GTF3C2: variants seen among roughly 807,000 people sequenced by gnomAD.
The protein encoded by GTF3C2 is general transcription factor IIIC subunit 2, also known as general transcription factor 3C polypeptide 2.
Under a neutral mutation model 117.4 loss-of-function variants are expected in GTF3C2, and 17 were observed. The observed-to-expected ratio is 0.14, with a 90% CI of 0.10 to 0.22. GTF3C2 has a LOEUF of 0.22. Among genes scored for constraint, GTF3C2 ranks in the 10% least tolerant of loss-of-function variants. The pLI, the probability that GTF3C2 is intolerant of heterozygous loss-of-function variation, is 1.00. For synonymous variants in GTF3C2, 437 were observed against 427.0 expected (o/e 1.02, Z -0.29); for missense variants, 888 against 1,143.6 (o/e 0.78, Z 3.22).
chr2:27,349,398 C>T (rs10203610), intron 1 of GTF3C2, among the ~76,000 whole-genome samples: 3,158 of 140,312 alleles, frequency 0.023, 104 homozygotes, highest in African/African-American at 0.078. Flanking sequence ...CCGCCCGCCG[C>T]GGCCTCCCAA....
At chr2:27,326,590 G>T in exon 19 of GTF3C2, 2 of 987,884 alleles carry the variant, frequency 2.0e-6, no homozygotes, top group Non-Finnish European at 3.2e-6. Flanking sequence ...ACTGTCCAGG[G>T]AAGGCCCCCA....
chr2:27,339,101 C>T (rs2148292543), intron 4 of GTF3C2, among the ~76,000 whole-genome samples: 1 of 152,156 alleles, frequency 6.6e-6, no homozygotes, highest in Middle Eastern at 3.4e-3. Flanking sequence ...TGGAAAAAAA[C>T]AGTAATCAGT....
intron 12 of GTF3C2, among the ~76,000 whole-genome samples, chr2:27,332,090 T>C (rs1012935518): frequency 2.0e-5 from 3 of 152,232 alleles, no homozygotes; most frequent in African/African-American, 7.2e-5. Flanking sequence ...TATTTCAGTG[T>C]GACTTTAGTG....
intron 1 of GTF3C2, chr2:27,356,021 A>T (rs754418279): frequency 1.7e-5 from 18 of 1,029,248 alleles, no homozygotes; most frequent in Non-Finnish European, 2.4e-5. Context: ...AGATTGCAAA[A>T]ATAGTGATGG....
intron 12 of GTF3C2, 116 bp downstream of exon 12, chr2:27,333,539 T>C: frequency 1.5e-6 from 1 of 648,900 alleles, no homozygotes; most frequent in Admixed American, 3.0e-5. Flanking sequence ...TTACATTGCT[T>C]GAATATTTCT....
At chr2:27,328,422 T>C (rs535748521) in intron 16 of GTF3C2, 46 bp downstream of exon 16, 12 of 1,604,534 alleles carry the variant, frequency 7.5e-6, no homozygotes, top group South Asian at 2.2e-5. Context: ...TGGGAGGGCA[T>C]GTGGGTTAGG....
At chr2:27,342,465 C>T in intron 3 of GTF3C2, 1 of 559,774 alleles carries the variant, frequency 1.8e-6, no homozygotes, top group Non-Finnish European at 3.2e-6. Flanking sequence ...GGTCTTCTCA[C>T]TCCAAGTTCA....
chr2:27,343,679 C>T, intron 1 of GTF3C2, 101 bp from the exon 2 acceptor site: 1 of 929,442 alleles, frequency 1.1e-6, no homozygotes, highest in East Asian at 2.5e-5. Context: ...ACACTCATAA[C>T]CAAGTTCCCT....
intron 1 of GTF3C2, among the ~76,000 whole-genome samples, chr2:27,345,645 A>G (rs1572579777): frequency 6.6e-6 from 1 of 151,448 alleles, no homozygotes; most frequent in Admixed American, 6.6e-5. Context: ...TCAATATTTC[A>G]CCTGGATGGG....
chr2:27,355,612 A>G (rs1681341126), intron 1 of GTF3C2, among the ~76,000 whole-genome samples: 1 of 152,186 alleles, frequency 6.6e-6, no homozygotes, highest in African/African-American at 2.4e-5. Context: ...GATGATCAGT[A>G]AATTCGTACT....
rs1333917749 is a variant in GTF3C2 at position 27,346,000 on chromosome 2, C to A, written c.-24-2422G>T. 2.1e-4 allele frequency among the ~76,000 whole-genome samples: 32 copies of A among 148,980 alleles called. No homozygotes were observed. The East Asian group carries it at 5.9e-3, about 28-fold the overall frequency. On this transcript the variant is annotated intron_variant, in intron 1 of 18. Coordinates refer to ENST00000264720, the Ensembl canonical transcript of GTF3C2. ...AAAGTGCTAGGATTACAGACTTGAG[C>A]CACTGTGCCCCGCCACTTTTTTTTT...
chr2:27,333,392 A>T (rs141094632), intron 12 of GTF3C2, among the ~76,000 whole-genome samples: 3,567 of 151,044 alleles, frequency 0.024, 132 homozygotes, highest in African/African-American at 0.083. Flanking sequence ...TGACCTCAAG[A>T]GATCTGCCTG....
rs780974234 is a variant in GTF3C2 at position 27,329,226 on chromosome 2, C to T, written c.1934G>A (p.Arg645His). ...GATAGAGTTTATGGGTTCGTAAGGA[C>T]GTCGAAGGTCCCAGAATTTGATTTT... The change falls in exon 14 of 19, where the codon CGT becomes CAT. Residue 645 changes from arginine (R) to histidine (H), a missense_variant. This residue lies in a region of GTF3C2 where 277 missense variants were observed against 445.4 expected (regional missense o/e 0.62). Transcript: ENST00000264720. The surrounding 1 kb of genome is among the most constrained non-coding windows in gnomAD (Gnocchi z 4.5). 5.0e-6 allele frequency: 8 copies of T among 1,613,976 alleles called. No individual in the cohort carries two copies. Among genetic ancestry groups the T allele is most frequent in the African/African-American group, 1.3e-5 (1 of 74,916 alleles).
At chr2:27,334,027 T>C in intron 10 of GTF3C2, 28 bp from the exon 11 acceptor site, 2 of 1,589,886 alleles carry the variant, frequency 1.3e-6, no homozygotes, top group Non-Finnish European at 1.7e-6. Context: ...AGGAACTAAC[T>C]CTATGGATCC....
chr2:27,334,506 C>G (rs1005937190), intron 10 of GTF3C2, among the ~76,000 whole-genome samples: 1 of 152,072 alleles, frequency 6.6e-6, no homozygotes, highest in African/African-American at 2.4e-5. Context: ...CTTGTTCCCT[C>G]CCTAGTCTAG....
chr2:27,342,171 G>A (rs1297408473), exon 4 of GTF3C2: 2 of 1,614,142 alleles, frequency 1.2e-6, no homozygotes, highest in Non-Finnish European at 1.7e-6. Context: ...CTCAGGACAG[G>A]ACACAGGGGC....
intron 2 of GTF3C2, 63 bp downstream of exon 2, chr2:27,343,245 A>G (rs1200528403): frequency 5.1e-6 from 8 of 1,564,342 alleles, no homozygotes; most frequent in Non-Finnish European, 7.0e-6. Context: ...CTATGAGCTC[A>G]ATCTGCTCTT....
chr2:27,353,376 C>T (rs146182262), intron 1 of GTF3C2, among the ~76,000 whole-genome samples: 12 of 124,344 alleles, frequency 9.7e-5, no homozygotes, highest in African/African-American at 2.3e-4. Flanking sequence ...AGCTAGACTC[C>T]GTCTCAAAAA....
In GTF3C2 at chr2:27,337,463, G is replaced by A. The variant is rs1338680922; in HGVS notation, c.1028+18C>T. 7 of 1,567,854 alleles carry A rather than the reference G, an allele frequency of 4.5e-6. No homozygotes were observed. The highest frequency in any genetic ancestry group is 6.2e-6 in the Non-Finnish European group (7 of 1,137,774). On this transcript the variant is annotated intron_variant, in intron 6 of 18. Coordinates refer to ENST00000264720, the Ensembl canonical transcript of GTF3C2. ...GGTGTCACCCTTCCTAAGCTACAGA[G>A]ATGTTGCTTCAACTTACAGCTCAGA...
Sources: allele counts gnomAD v4.1 joint callset (sites outside exome capture counted in the v4.1 genomes callset), GRCh38; gene constraint gnomAD v4.1.1; regional missense constraint gnomAD v4.1.1; non-coding constraint Gnocchi (gnomAD v3.1); transcripts MANE v1.5; gene names NCBI Gene and HGNC (gene_info 2026-07-23, HGNC 2026-07-21).